CASP6: variants seen among roughly 807,000 people sequenced by gnomAD.
CASP6 encodes caspase-6.
A neutral mutation model predicts 31.8 loss-of-function variants in CASP6; 20 were observed. That is an observed-to-expected ratio of 0.63 (90% CI 0.44 to 0.91). The LOEUF (loss-of-function observed/expected upper bound fraction) is 0.91. CASP6 is among the 40% of genes least tolerant of loss of function. The pLI, the probability that CASP6 is intolerant of heterozygous loss-of-function variation, is 0.00. For synonymous variants in CASP6, 130 were observed against 127.8 expected (o/e 1.02, Z -0.12); for missense variants, 328 against 361.1 (o/e 0.91, Z 0.74).
At chr4:109,706,158 T>TATATAC (rs1554022981), upstream of CASP6, among the ~76,000 whole-genome samples, 18 of 92,584 alleles carry the variant, frequency 1.9e-4, no homozygotes, top group African/African-American at 1.0e-3. Context: ...TATATATATA[T>TATATAC]ATATATATAT....
chr4:109,699,072 T>C (rs1727748971), intron 1 of CASP6, among the ~76,000 whole-genome samples: 1 of 152,218 alleles, frequency 6.6e-6, no homozygotes, highest in Non-Finnish European at 1.5e-5. Context: ...ATGCAGCTAA[T>C]GCAACTGAGG....
chr4:109,694,145 C>A (rs961864118), intron 5 of CASP6, among the ~76,000 whole-genome samples: 4 of 152,202 alleles, frequency 2.6e-5, no homozygotes, highest in Non-Finnish European at 4.4e-5. Flanking sequence ...TTTTTCCATT[C>A]TTTCCACTGG....
chr4:109,698,343 C>G lies in CASP6; in HGVS notation c.41-1G>C. On this transcript the variant is annotated splice_acceptor_variant, in intron 1 of 6. Coordinates refer to ENST00000265164, the MANE Select transcript of CASP6 (RefSeq NM_001226.4). LOFTEE classifies it high-confidence loss of function. ...GTTTCTGTCATGTTTTCTTCCCCAC[C>G]TATTAAAAAAAGTTGATTTTTGTTA... 6.2e-7 allele frequency: 1 copy of G among 1,609,682 alleles called. No individual in the cohort carries two copies. The highest frequency in any genetic ancestry group is 8.5e-7 in the Non-Finnish European group (1 of 1,178,690).
At chr4:109,677,525 TC>T in the CASP6 span, among the ~76,000 whole-genome samples, 31 of 152,262 alleles carry the variant, frequency 2.0e-4, no homozygotes, top group Middle Eastern at 3.4e-3. Context: ...AGAAACTTGA[TC>T]CCTAATGCAA....
chr4:109,683,338 G>T, the CASP6 span: 1 of 152,196 alleles, frequency 6.6e-6, no homozygotes, highest in Non-Finnish European at 1.5e-5. Context: ...TGAATGGAAA[G>T]TTTCTGGAGA....
rs1481743807 is a variant in CASP6, at chr4:109,688,744, A to AT, written c.*585dup. On this transcript the variant is annotated 3_prime_UTR_variant, in exon 7 of 7. Transcript: ENST00000265164. The stretch of plus-strand genomic sequence containing the variant: ...ACAAAATACAAGTTAAATCAGCTAG[A>AT]TTTTTGTGTAACCCTGCAGTTTATT... The AT allele has an allele frequency of 2.0e-5, 3 of 152,146 alleles. No individual in the cohort carries two copies. Among genetic ancestry groups the AT allele is most frequent in the African/African-American group, 7.2e-5 (3 of 41,432 alleles). The allele number at this position is 152,146 out of a possible 1,614,324, so 9.4% of individuals were successfully genotyped here.
chr4:109,674,184 T>C, the CASP6 span: 1 of 841,180 alleles, frequency 1.2e-6, no homozygotes, highest in African/African-American at 1.7e-5. Flanking sequence ...ATTATTGAAG[T>C]TACCTATTAT....
chr4:109,675,093 A>G, the CASP6 span, among the ~76,000 whole-genome samples: 1 of 152,182 alleles, frequency 6.6e-6, no homozygotes, highest in Non-Finnish European at 1.5e-5. Context: ...CCCATGTCAA[A>G]AAGAAAAAAA....
At chr4:109,707,387 A>ATTTTT (rs570364377), upstream of CASP6, among the ~76,000 whole-genome samples, 7 of 136,346 alleles carry the variant, frequency 5.1e-5, no homozygotes, top group Admixed American at 1.5e-4. Context: ...TAACTCCTGG[A>ATTTTT]TTTTTTTTTT....
upstream of CASP6, among the ~76,000 whole-genome samples, chr4:109,703,974 T>C (rs937328245): frequency 2.0e-5 from 3 of 152,216 alleles, no homozygotes; most frequent in African/African-American, 7.2e-5. Flanking sequence ...TTGTGATCTG[T>C]GATCAGTAAT....
At chr4:109,706,129 TTTTATATATATATATA>T (rs1346604399), upstream of CASP6, among the ~76,000 whole-genome samples, 316 of 56,082 alleles carry the variant, frequency 5.6e-3, 29 homozygotes, top group African/African-American at 0.024. Flanking sequence ...TACCTATCCA[TTTTATATATATATATA>T]TATATATATA....
the CASP6 span, among the ~76,000 whole-genome samples, chr4:109,665,429 C>T: frequency 6.6e-6 from 1 of 152,048 alleles, no homozygotes; most frequent in South Asian, 2.1e-4. Flanking sequence ...TTTAAAGTTG[C>T]AGTTTTCAAG....
intron 4 of CASP6, among the ~76,000 whole-genome samples, chr4:109,695,843 G>A (rs926947345): frequency 6.6e-6 from 1 of 152,058 alleles, no homozygotes; most frequent in Non-Finnish European, 1.5e-5. Flanking sequence ...TCTGAGCAAA[G>A]TAGAAAAGCT....
chr4:109,689,950 T>A (rs1316200474), intron 6 of CASP6, among the ~76,000 whole-genome samples: 1 of 151,566 alleles, frequency 6.6e-6, no homozygotes, highest in Non-Finnish European at 1.5e-5. Flanking sequence ...TTTGGGAGGC[T>A]GAGGCAGGCA....
chr4:109,674,075 G>A, the CASP6 span: 3 of 1,448,050 alleles, frequency 2.1e-6, no homozygotes, highest in East Asian at 2.3e-5. Context: ...ATGACTGTTG[G>A]TATGGGCTAT....
At chr4:109,689,776 A>T (rs1312043028) in intron 6 of CASP6, among the ~76,000 whole-genome samples, 1 of 152,242 alleles carries the variant, frequency 6.6e-6, no homozygotes, top group Admixed American at 6.5e-5. Flanking sequence ...CACGGGGTTA[A>T]TTCTGTATAA....
downstream of CASP6, chr4:109,687,522 A>G: frequency 6.2e-7 from 1 of 1,611,004 alleles, no homozygotes; most frequent in Non-Finnish European, 8.5e-7. Flanking sequence ...CAGGCTAAAG[A>G]ATCCCTGAAA....
chr4:109,696,579 A>G lies in CASP6; in HGVS notation c.231-93T>C, dbSNP rs549564365. 33 of 779,110 alleles carry G rather than the reference A, an allele frequency of 4.2e-5. No homozygotes were observed. The South Asian group carries it at 6.2e-4, about 15-fold the overall frequency. 48.3% of individuals were successfully genotyped at this position (779,110 alleles called of 1,614,324 possible). A position where few individuals can be genotyped will look rare whatever the true frequency, so the allele number is the denominator to read the frequency against. ...AAGAATCTATACACATTTTAACGACACATAAATTTGCTTTCTTTAGGAGAA... is the reference window on the plus strand; with the variant it reads ...AAGAATCTATACACATTTTAACGACGCATAAATTTGCTTTCTTTAGGAGAA... On this transcript the variant is annotated intron_variant, in intron 3 of 6. Transcript: ENST00000265164.
intron 2 of CASP6, 36 bp downstream of exon 2, chr4:109,698,264 G>C: frequency 6.3e-7 from 1 of 1,587,370 alleles, no homozygotes; most frequent in Non-Finnish European, 8.6e-7. Flanking sequence ...GACCATCAAA[G>C]GAAGAGACCT....
Sources: allele counts gnomAD v4.1 joint callset (sites outside exome capture counted in the v4.1 genomes callset), GRCh38; gene constraint gnomAD v4.1.1; transcripts MANE v1.5; gene names NCBI Gene and HGNC (gene_info 2026-07-23, HGNC 2026-07-21).